The following DNAAF5 variants were observed in gnomAD, a reference collection of about 807,000 sequenced individuals.
The protein encoded by DNAAF5 is dynein axonemal assembly factor 5, also known as HEAT repeat containing 2.
In DNAAF5, 64 loss-of-function variants were observed where a neutral mutation model predicts 75.8. The observed-to-expected ratio is 0.84, with a 90% CI of 0.69 to 1.04. The LOEUF (loss-of-function observed/expected upper bound fraction) is 1.04. Among genes scored for constraint, DNAAF5 ranks in the 50% least tolerant of loss-of-function variants. The probability of loss-of-function intolerance (pLI) is 0.00; values close to 1 mark genes in which losing one functional copy is unlikely to be tolerated. For synonymous variants in DNAAF5, 657 were observed against 557.2 expected (o/e 1.18, Z -2.52); for missense variants, 1,269 against 1,178.5 (o/e 1.08, Z -1.12).
chr7:745,650 TAC>T lies in DNAAF5; in HGVS notation c.1024+4190_1024+4191del, dbSNP rs561488695. Among the ~76,000 whole-genome samples, 225 of 151,982 alleles carry T rather than the reference TAC, an allele frequency of 1.5e-3. 1 individual carries two copies. The highest frequency in any genetic ancestry group is 0.014 in the Middle Eastern group (4 of 294). ...GTGTACATGTATATCCTCACACACG[TAC>T]ACACTTATCCTCACACACGTGTACA... On this transcript the variant is annotated intron_variant, in intron 4 of 12. Transcript: ENST00000297440.
intron 2 of DNAAF5, among the ~76,000 whole-genome samples, chr7:733,249 T>C (rs1463102721): frequency 3.9e-5 from 6 of 152,346 alleles, no homozygotes; most frequent in Middle Eastern, 6.8e-3. Context: ...TTGTCTTGTT[T>C]TGTTTTTTGC....
chr7:777,220 C>A (rs965260648), intron 11 of DNAAF5, among the ~76,000 whole-genome samples: 2 of 152,158 alleles, frequency 1.3e-5, no homozygotes, highest in Admixed American at 1.3e-4. Flanking sequence ...CATCTCACCC[C>A]CTGGTCCATG....
intron 11 of DNAAF5, 57 bp downstream of exon 11, chr7:775,219 T>G (rs1778721480): frequency 3.9e-6 from 6 of 1,552,162 alleles, no homozygotes; most frequent in Non-Finnish European, 1.8e-6. Flanking sequence ...TCCGTGTCCC[T>G]GGGTTCCGTT....
At chr7:757,245 C>CTAG (rs1465740995) in intron 6 of DNAAF5, among the ~76,000 whole-genome samples, 33 of 152,352 alleles carry the variant, frequency 2.2e-4, no homozygotes, top group African/African-American at 7.9e-4. Context: ...AGCTCCAGCC[C>CTAG]CAGCCCCAGC....
chr7:726,879 G>A lies in DNAAF5; in HGVS notation c.159G>A (p.Leu53=). 3 of 1,327,340 alleles carry A rather than the reference G, an allele frequency of 2.3e-6. No homozygotes were observed. Among genetic ancestry groups the A allele is most frequent in the South Asian group, 3.8e-5 (2 of 53,136 alleles). 82.2% of individuals were successfully genotyped at this position (1,327,340 alleles called of 1,614,324 possible). Residue 53 remains leucine (L), a synonymous_variant, in exon 1 of 13, where the codon CTG becomes CTA. Coordinates refer to ENST00000297440, the MANE Select transcript of DNAAF5 (RefSeq NM_017802.4). ...KPGRRRALEA[L]RRALEEPGPA... is the part of the protein sequence containing the mutation. ...GCCGGCGGCGCGCCTTGGAGGCCCT[G>A]CGGCGCGCGCTGGAGGAGCCAGGCC...
At position 786,014 on chromosome 7, in the gene DNAAF5, G is replaced by C; in HGVS notation, c.*361G>C. 1 of 189,888 alleles carries C rather than the reference G, an allele frequency of 5.3e-6. No individual in the cohort carries two copies. The highest frequency in any genetic ancestry group is 1.1e-5 in the Non-Finnish European group (1 of 93,422). The allele number at this position is 189,888 out of a possible 1,614,324, so 11.8% of individuals were successfully genotyped here. On this transcript the variant is annotated 3_prime_UTR_variant, in exon 13 of 13. Coordinates refer to ENST00000297440, the MANE Select transcript of DNAAF5 (RefSeq NM_017802.4). Reference sequence around the variant, plus strand: ...ATCCTGCTTAGGTGCCCACCAAGAAGGTTTTTACCTACTTAACAAAAAAGA... The same window carrying C: ...ATCCTGCTTAGGTGCCCACCAAGAACGTTTTTACCTACTTAACAAAAAAGA...
In DNAAF5 at chr7:727,917, T is replaced by G. The variant is rs190923136; in HGVS notation, c.595+602T>G. ...CTGTTAGGCGGTTTGGGGTGGGGTG[T>G]GCCCTGATAGCTGCCCCCTTTCCTT... On this transcript the variant is annotated intron_variant, in intron 1 of 12. Coordinates refer to ENST00000297440, the MANE Select transcript of DNAAF5 (RefSeq NM_017802.4). Among the ~76,000 whole-genome samples, 868 of 151,348 alleles carry G rather than the reference T, an allele frequency of 5.7e-3. 11 individuals are homozygous for G. The highest frequency in any genetic ancestry group is 0.02 in the African/African-American group (824 of 41,144).
At chr7:745,195 G>A (rs1477347888) in intron 4 of DNAAF5, among the ~76,000 whole-genome samples, 2 of 152,160 alleles carry the variant, frequency 1.3e-5, no homozygotes, top group Non-Finnish European at 2.9e-5. Context: ...CATGCTACAC[G>A]GAGCCCAAGC....
At chr7:735,409 G>T (rs1003567687) in intron 2 of DNAAF5, among the ~76,000 whole-genome samples, 1 of 150,642 alleles carries the variant, frequency 6.6e-6, no homozygotes, top group African/African-American at 2.5e-5. Flanking sequence ...GTTCTTCATG[G>T]TGTAGCTGCT....
At chr7:734,915 CGTTGCTCATATTGTA>C (rs546840683) in intron 2 of DNAAF5, among the ~76,000 whole-genome samples, 67 of 151,230 alleles carry the variant, frequency 4.4e-4, no homozygotes, top group Non-Finnish European at 8.6e-4. Flanking sequence ...CTCACAGTGT[CGTTGCTCATATTGTA>C]GTTGCTCATA....
At chr7:782,111 T>TC (rs1427112815) in intron 12 of DNAAF5, among the ~76,000 whole-genome samples, 1 of 152,280 alleles carries the variant, frequency 6.6e-6, no homozygotes, top group African/African-American at 2.4e-5. Context: ...TGTCGGATCT[T>TC]CCTGGTGTGG....
At chr7:749,005 G>A (rs555790652) in intron 4 of DNAAF5, among the ~76,000 whole-genome samples, 1 of 152,290 alleles carries the variant, frequency 6.6e-6, no homozygotes, top group Non-Finnish European at 1.5e-5. Flanking sequence ...AGAAAATAAG[G>A]TACACACCAT....
intron 2 of DNAAF5, among the ~76,000 whole-genome samples, chr7:733,622 G>A (rs1389764665): frequency 6.6e-6 from 1 of 151,926 alleles, no homozygotes; most frequent in Non-Finnish European, 1.5e-5. Context: ...TCAGCCTCCC[G>A]AGTAGCTGGG....
Position 761,760 on chromosome 7 carries a change from A to T in DNAAF5, c.1478A>T (p.Tyr493Phe). 6.2e-7 allele frequency: 1 copy of T among 1,604,224 alleles called. No homozygotes were observed. Among genetic ancestry groups the T allele is most frequent in the Non-Finnish European group, 8.5e-7 (1 of 1,175,876 alleles). ...HICQASENDL[Y>F]LERLLLCVQA... The stretch of plus-strand genomic sequence containing the variant: ...GCTGCCGGTCTCTTCCAGGACCTCT[A>T]CCTGGAGCGCCTGCTGCTGTGTGTG... Residue 493 changes from tyrosine to phenylalanine, a missense_variant, in exon 7 of 13, where the codon TAC (tyrosine) becomes TTC (phenylalanine). Physicochemically the swap from Tyr to Phe is conservative, Grantham distance 22 (BLOSUM62 3). Coordinates refer to ENST00000297440, the MANE Select transcript of DNAAF5 (RefSeq NM_017802.4).
intron 4 of DNAAF5, among the ~76,000 whole-genome samples, chr7:747,272 C>T (rs554889160): frequency 2.0e-5 from 3 of 152,384 alleles, no homozygotes; most frequent in African/African-American, 7.2e-5. Flanking sequence ...GCAGTCAGGC[C>T]AGCGTGTGGG....
Position 785,596 on chromosome 7 carries a change from G to A in DNAAF5, c.2511G>A (p.Ser837=), listed in dbSNP as rs143524894. 1.1e-5 allele frequency: 18 copies of A among 1,613,148 alleles called. No individual in the cohort carries two copies. Among genetic ancestry groups the A allele is most frequent in the East Asian group, 2.2e-5 (1 of 44,892 alleles). The stretch of plus-strand genomic sequence containing the variant: ...AGGCCGTCATCCACAAGCACCGCTC[G>A]GCCACCTACTGCGAGCAGCTCCTGC... ...ETEAVIHKHR[S]ATYCEQLLQH... is the part of the protein sequence containing the mutation. The change falls in exon 13 of 13, where the codon TCG becomes TCA. Residue 837 remains serine (S), a synonymous_variant. Transcript: ENST00000297440.
At chr7:735,623 G>A (rs764539223) in intron 2 of DNAAF5, among the ~76,000 whole-genome samples, 7 of 152,168 alleles carry the variant, frequency 4.6e-5, no homozygotes, top group Non-Finnish European at 7.3e-5. Flanking sequence ...TTGAATTTCT[G>A]TAGTATCAGT....
chr7:767,005 C>T (rs141551759), intron 8 of DNAAF5, among the ~76,000 whole-genome samples: 26 of 151,814 alleles, frequency 1.7e-4, no homozygotes, highest in African/African-American at 4.3e-4. Context: ...TTTGGGAGGC[C>T]GAGGCAGGCA....
intron 9 of DNAAF5, 76 bp downstream of exon 9, chr7:770,694 C>A: frequency 1.4e-6 from 2 of 1,420,760 alleles, no homozygotes; most frequent in East Asian, 2.3e-5. Context: ...TCCCCAACAG[C>A]TCACTGAGCA....
Sources: allele counts gnomAD v4.1 joint callset (sites outside exome capture counted in the v4.1 genomes callset), GRCh38; gene constraint gnomAD v4.1.1; transcripts MANE v1.5; gene names NCBI Gene and HGNC (gene_info 2026-07-23, HGNC 2026-07-21).